Variants in SLC8A1 observed in about 807,000 individuals in gnomAD.
The protein encoded by SLC8A1 is sodium/calcium exchanger 1.
Under a neutral mutation model 68.3 loss-of-function variants are expected in SLC8A1, and 18 were observed. The observed-to-expected ratio is 0.26, with a 90% CI of 0.18 to 0.39. SLC8A1 has a LOEUF of 0.39. Among genes scored for constraint, SLC8A1 ranks in the 10% least tolerant of loss-of-function variants. The probability of loss-of-function intolerance (pLI) is 1.00; values close to 1 mark genes in which losing one functional copy is unlikely to be tolerated. For synonymous variants in SLC8A1, 475 were observed against 415.5 expected (o/e 1.14, Z -1.74); for missense variants, 985 against 1,156.7 (o/e 0.85, Z 2.15).
intron 2 of SLC8A1, among the ~76,000 whole-genome samples, chr2:40,192,858 T>C (rs994664365): frequency 3.9e-5 from 6 of 152,140 alleles, no homozygotes; most frequent in Admixed American, 1.3e-4. Flanking sequence ...TTGGTGAGAC[T>C]GGTAATGGAA....
At chr2:40,248,301 G>T (rs7593406) in intron 2 of SLC8A1, among the ~76,000 whole-genome samples, 84,622 of 151,966 alleles carry the variant, frequency 0.56, 24,680 homozygotes, top group Non-Finnish European at 0.66. Context: ...CAAACTCAGA[G>T]GTTGAAATCC....
At chr2:40,191,353 T>A (rs1356014698) in intron 2 of SLC8A1, among the ~76,000 whole-genome samples, 4 of 152,164 alleles carry the variant, frequency 2.6e-5, no homozygotes, top group Non-Finnish European at 4.4e-5. Flanking sequence ...CAGTTATCAT[T>A]TTGGAGTTCA....
At chr2:40,198,487 T>G (rs538407572) in intron 2 of SLC8A1, among the ~76,000 whole-genome samples, 3 of 151,968 alleles carry the variant, frequency 2.0e-5, no homozygotes, top group Non-Finnish European at 4.4e-5. Context: ...ATAAAATATT[T>G]CAGGTATTTA....
exon 8 of SLC8A1, chr2:40,100,121 C>G (rs73927103): frequency 6.6e-6 from 1 of 152,086 alleles, no homozygotes; most frequent in African/African-American, 2.4e-5. Flanking sequence ...AAAACCACCA[C>G]AAAGGACACT....
intron 2 of SLC8A1, among the ~76,000 whole-genome samples, chr2:40,245,254 T>A (rs762179725): frequency 2.6e-5 from 4 of 152,216 alleles, no homozygotes; most frequent in African/African-American, 9.6e-5. Context: ...CTCTCCCTAG[T>A]GAAACTCAGC....
intron 2 of SLC8A1, among the ~76,000 whole-genome samples, chr2:40,351,793 T>C (rs1168308259): frequency 6.6e-6 from 1 of 152,106 alleles, no homozygotes; most frequent in Non-Finnish European, 1.5e-5. Flanking sequence ...TATTTGAGGT[T>C]GTAGAGATGG....
chr2:40,104,104 C>T (rs1225275107), exon 8 of SLC8A1: 8 of 152,174 alleles, frequency 5.3e-5, no homozygotes, highest in Non-Finnish European at 7.3e-5. Context: ...GCCTTTGGGT[C>T]TTCTCTCTGG....
chr2:40,423,773 T>C (rs1696134877), intron 2 of SLC8A1, among the ~76,000 whole-genome samples: 1 of 152,002 alleles, frequency 6.6e-6, no homozygotes, highest in South Asian at 2.1e-4. Flanking sequence ...AGTACTAAAT[T>C]CAGACTCATA....
chr2:40,196,015 T>G (rs1210267079), intron 2 of SLC8A1: 1 of 150,654 alleles, frequency 6.6e-6, no homozygotes, highest in Non-Finnish European at 1.5e-5. Context: ...AATGCTAGGG[T>G]CCTTGAAGCT....
In SLC8A1 at chr2:40,102,777, CT is replaced by C. The variant is rs1441846985; in HGVS notation, c.*12475del. 2.6e-5 allele frequency: 4 copies of C among 152,218 alleles called. No individual in the cohort carries two copies. The East Asian group carries it at 7.7e-4, about 29-fold the overall frequency. The allele number at this position is 152,218 out of a possible 1,614,324, so 9.4% of individuals were successfully genotyped here. On this transcript the variant is annotated 3_prime_UTR_variant, in exon 8 of 8. Transcript: ENST00000406785. ...TTTTTAAAAAGATGGAAAAACCTGC[CT>C]TCTCAATTTAGTATTTCCTAATCAA...
At chr2:40,418,046 T>A (rs1318615264) in intron 2 of SLC8A1, among the ~76,000 whole-genome samples, 2 of 152,136 alleles carry the variant, frequency 1.3e-5, no homozygotes, top group African/African-American at 4.8e-5. Flanking sequence ...TTTAAAAGAA[T>A]ATAGTTTACA....
chr2:40,182,410 A>C (rs2049774085), intron 2 of SLC8A1, among the ~76,000 whole-genome samples: 1 of 152,236 alleles, frequency 6.6e-6, no homozygotes, highest in Non-Finnish European at 1.5e-5. Flanking sequence ...AGCAGTTACA[A>C]ATCTTACGAT....
intron 7 of SLC8A1, among the ~76,000 whole-genome samples, chr2:40,118,095 C>T (rs1273917720): frequency 2.6e-5 from 4 of 152,274 alleles, no homozygotes; most frequent in Middle Eastern, 3.4e-3. Context: ...ACACAGGCAA[C>T]GTGTGTATTC....
chr2:40,416,492 A>C (rs1447007460), intron 2 of SLC8A1, among the ~76,000 whole-genome samples: 7 of 151,992 alleles, frequency 4.6e-5, no homozygotes, highest in Non-Finnish European at 1.0e-4. Context: ...CTCACACTTT[A>C]CTCTAAATCT....
intron 4 of SLC8A1, among the ~76,000 whole-genome samples, chr2:40,169,238 A>C (rs2047053069): frequency 6.6e-6 from 1 of 152,208 alleles, no homozygotes; most frequent in Admixed American, 6.5e-5. Flanking sequence ...GAGAGTCTTC[A>C]ATGTAGTCAC....
intron 2 of SLC8A1, among the ~76,000 whole-genome samples, chr2:40,310,854 C>T (rs2073544323): frequency 6.6e-6 from 1 of 152,116 alleles, no homozygotes; most frequent in Non-Finnish European, 1.5e-5. Context: ...CAACCATTTA[C>T]TCACATACCC....
At chr2:40,367,863 AC>A (rs1413512611) in intron 2 of SLC8A1, among the ~76,000 whole-genome samples, 1 of 151,546 alleles carries the variant, frequency 6.6e-6, no homozygotes, top group African/African-American at 2.4e-5. Flanking sequence ...AGACAACACA[AC>A]CCCCCACATC....
At chr2:40,359,154 G>A (rs953890987) in intron 2 of SLC8A1, among the ~76,000 whole-genome samples, 2 of 151,948 alleles carry the variant, frequency 1.3e-5, no homozygotes, top group Non-Finnish European at 2.9e-5. Flanking sequence ...CTTGAAATGG[G>A]GCTAGTTCAA....
At chr2:40,421,083 CCAA>C (rs1553601006) in intron 2 of SLC8A1, among the ~76,000 whole-genome samples, 2 of 152,014 alleles carry the variant, frequency 1.3e-5, no homozygotes, top group East Asian at 1.9e-4. Flanking sequence ...ACCACCACCA[CCAA>C]CACCAAAAAT....
Sources: gnomAD v4.1 joint callset for allele counts (sites outside exome capture counted in the v4.1 genomes callset) on GRCh38, gnomAD v4.1.1 for gene constraint, MANE v1.5 for transcripts, NCBI Gene and HGNC (gene_info 2026-07-23, HGNC 2026-07-21) for gene names.